CCDC171: variants seen among roughly 807,000 people sequenced by gnomAD.
CCDC171 encodes coiled-coil domain containing 171, also known as coiled-coil domain-containing protein 171.
Under a neutral mutation model 168.2 loss-of-function variants are expected in CCDC171, and 177 were observed. The ratio of observed to expected loss-of-function variants is 1.05; its 90% confidence interval spans 0.93 to 1.19. The LOEUF is 1.19. Ranked by LOEUF, CCDC171 falls within the 50% of genes most tolerant of loss-of-function variation. The pLI, the probability that CCDC171 is intolerant of heterozygous loss-of-function variation, is 0.00. For missense variants in CCDC171, 1,991 were observed against 1,539.0 expected (o/e 1.29, Z -4.91); for synonymous variants, 687 against 540.8 (o/e 1.27, Z -3.75).
chr9:15,927,524 T>A lies in CCDC171; in HGVS notation c.3753+7102T>A, dbSNP rs528884435. 8.0e-4 allele frequency among the ~76,000 whole-genome samples: 121 copies of A among 151,852 alleles called. No homozygotes were observed. In the South Asian group the frequency reaches 0.011, roughly 14 times the overall value. On this transcript the variant is annotated intron_variant, in intron 25 of 25. Coordinates refer to ENST00000380701, the MANE Select transcript of CCDC171 (RefSeq NM_173550.4). ...TGATTTGCTTCATTTCCACTGTATGTTTAAGCAGTATGTTTTTAATTTTAT... is the reference window on the plus strand; with the variant it reads ...TGATTTGCTTCATTTCCACTGTATGATTAAGCAGTATGTTTTTAATTTTAT...
intron 24 of CCDC171, among the ~76,000 whole-genome samples, chr9:15,900,073 AC>A (rs1210139101): frequency 6.6e-6 from 1 of 152,056 alleles, no homozygotes; most frequent in African/African-American, 2.4e-5. Context: ...TTCTAAGATG[AC>A]CCCTTTGTCC....
chr9:15,975,945 G>T (rs886426723), downstream of CCDC171, among the ~76,000 whole-genome samples: 1 of 152,128 alleles, frequency 6.6e-6, no homozygotes, highest in Non-Finnish European at 1.5e-5. Flanking sequence ...AGGTATCTTT[G>T]TAAGAGAGGG....
At chr9:15,636,988 G>A (rs2046249405) in intron 7 of CCDC171, among the ~76,000 whole-genome samples, 1 of 151,624 alleles carries the variant, frequency 6.6e-6, no homozygotes, top group East Asian at 2.0e-4. Context: ...GGGCGTGGTG[G>A]CTCATGCCTG....
intron 18 of CCDC171, among the ~76,000 whole-genome samples, chr9:15,756,084 T>C (rs1050295324): frequency 3.3e-5 from 5 of 152,188 alleles, no homozygotes; most frequent in African/African-American, 1.2e-4. Context: ...TTCATTGACT[T>C]GAACCTGAAT....
intron 7 of CCDC171, among the ~76,000 whole-genome samples, chr9:15,649,725 C>G (rs2047351523): frequency 6.6e-6 from 1 of 152,112 alleles, no homozygotes; most frequent in Non-Finnish European, 1.5e-5. Context: ...GTTAGAATGG[C>G]AATCATTAAA....
intron 9 of CCDC171, among the ~76,000 whole-genome samples, chr9:15,668,290 C>T (rs541129800): frequency 6.6e-6 from 1 of 152,136 alleles, no homozygotes; most frequent in Non-Finnish European, 1.5e-5. Flanking sequence ...AACCTACTTG[C>T]TAACACTTAA....
chr9:15,991,877 A>G (rs1057284386), intron 3 of CCDC171, among the ~76,000 whole-genome samples: 2 of 152,208 alleles, frequency 1.3e-5, no homozygotes, highest in Non-Finnish European at 2.9e-5. Context: ...AGACTAAATC[A>G]GGGAGAAGTT....
chr9:15,961,663 T>A (rs7857201), intron 25 of CCDC171, among the ~76,000 whole-genome samples: 2 of 152,152 alleles, frequency 1.3e-5, no homozygotes, highest in African/African-American at 2.4e-5. Context: ...ACTATCCAAT[T>A]ACATTTTCAT....
At chr9:15,579,958 C>A (rs1340306918) in intron 4 of CCDC171, among the ~76,000 whole-genome samples, 1 of 152,116 alleles carries the variant, frequency 6.6e-6, no homozygotes, top group Non-Finnish European at 1.5e-5. Context: ...TAAGAGAACA[C>A]TGAATGTGAA....
At chr9:15,874,830 GT>G (rs1441762706) in intron 24 of CCDC171, 167 bp downstream of exon 24, 2 of 588,630 alleles carry the variant, frequency 3.4e-6, no homozygotes, top group East Asian at 3.7e-5. Context: ...ACAAAATATT[GT>G]TTTTTTCTTT....
intron 3 of CCDC171, among the ~76,000 whole-genome samples, chr9:16,007,594 T>A (rs1832743839): frequency 6.6e-6 from 1 of 152,222 alleles, no homozygotes; most frequent in African/African-American, 2.4e-5. Flanking sequence ...TAATCCATCT[T>A]GAATTAATTT....
intron 3 of CCDC171, among the ~76,000 whole-genome samples, chr9:16,015,129 G>T (rs147305202): frequency 6.6e-6 from 1 of 152,112 alleles, no homozygotes; most frequent in African/African-American, 2.4e-5. Context: ...AAAAAAATCT[G>T]TTGTGTAGTA....
chr9:15,995,220 G>T (rs1359254600), intron 3 of CCDC171, among the ~76,000 whole-genome samples: 1 of 152,180 alleles, frequency 6.6e-6, no homozygotes, highest in East Asian at 1.9e-4. Flanking sequence ...TTGGGGGAAA[G>T]TACCTGCCAT....
chr9:15,628,457 G>C (rs2045362388), intron 7 of CCDC171, among the ~76,000 whole-genome samples: 1 of 152,186 alleles, frequency 6.6e-6, no homozygotes. Flanking sequence ...AAACTGCAAG[G>C]CGGCAGCGAG....
intron 3 of CCDC171, among the ~76,000 whole-genome samples, chr9:16,012,306 G>A (rs1287046444): frequency 2.0e-5 from 3 of 152,090 alleles, no homozygotes; most frequent in Admixed American, 2.0e-4. Flanking sequence ...GTTGTGTAGG[G>A]ATCTATCTGG....
intron 25 of CCDC171, among the ~76,000 whole-genome samples, chr9:15,967,649 T>G (rs2132737873): frequency 6.6e-6 from 1 of 152,330 alleles, no homozygotes; most frequent in East Asian, 1.9e-4. Context: ...TTGGATGGAC[T>G]AATTTACCTG....
At chr9:15,647,131 C>T (rs941027287) in intron 7 of CCDC171, among the ~76,000 whole-genome samples, 2 of 152,162 alleles carry the variant, frequency 1.3e-5, no homozygotes, top group African/African-American at 4.8e-5. Context: ...GGAAGCTGAA[C>T]AACCTGCTCC....
chr9:15,556,881 A>G (rs13301763), intron 1 of CCDC171, among the ~76,000 whole-genome samples: 1 of 152,256 alleles, frequency 6.6e-6, no homozygotes, highest in South Asian at 2.1e-4. Context: ...TAGGTCTAAC[A>G]TTTAAGTCGT....
At position 15,594,095 on chromosome 9, in the gene CCDC171, G is replaced by A. The variant is rs776453164; in HGVS notation, c.598G>A (p.Glu200Lys). 83 of 1,574,070 alleles carry A rather than the reference G, an allele frequency of 5.3e-5. 1 individual carries two copies. The South Asian group carries it at 8.3e-4, about 16-fold the overall frequency. The change falls in exon 6 of 26, where the codon GAG becomes AAG. Residue 200 changes from glutamate to lysine, a missense_variant. Coordinates refer to ENST00000380701, the MANE Select transcript of CCDC171 (RefSeq NM_173550.4). ...EKNEMESHIR[E>K]TALEEFRLQE... is the part of the protein sequence containing the mutation. The stretch of plus-strand genomic sequence containing the variant: ...GAATGAGATGGAGTCTCATATCAGG[G>A]AGACAGCATTGGAGGAGTTTAGATT...
Sources: allele counts gnomAD v4.1 joint callset (sites outside exome capture counted in the v4.1 genomes callset), GRCh38; gene constraint gnomAD v4.1.1; transcripts MANE v1.5; gene names NCBI Gene and HGNC (gene_info 2026-07-23, HGNC 2026-07-21).